The following GRIK3 variants were observed in gnomAD, a reference collection of about 807,000 sequenced individuals.
GRIK3 encodes glutamate receptor ionotropic, kainate 3.
GRIK3 carries 29 observed loss-of-function variants against 102.5 expected under a neutral mutation model. The ratio of observed to expected loss-of-function variants is 0.28; its 90% CI spans 0.21 to 0.39. GRIK3 has a LOEUF of 0.39. Ranked by LOEUF, GRIK3 falls within the 10% of genes least tolerant of loss-of-function variation. GRIK3 has a pLI of 1.00. For synonymous variants in GRIK3, 511 were observed against 504.9 expected (o/e 1.01, Z -0.16); for missense variants, 908 against 1,252.4 (o/e 0.73, Z 4.15).
At chr1:36,955,021 G>T (rs1038831090) in intron 1 of GRIK3, among the ~76,000 whole-genome samples, 1 of 152,228 alleles carries the variant, frequency 6.6e-6, no homozygotes, top group South Asian at 2.1e-4. Flanking sequence ...GCTCTACATT[G>T]GATGGTGGTG....
chr1:37,029,703 C>T (rs1280441631), intron 1 of GRIK3, among the ~76,000 whole-genome samples: 1 of 152,220 alleles, frequency 6.6e-6, no homozygotes, highest in Non-Finnish European at 1.5e-5. Flanking sequence ...CTGGGACAGG[C>T]ACAGAGTGCC....
At chr1:36,823,733 G>A (rs1190786439) in intron 11 of GRIK3, among the ~76,000 whole-genome samples, 1 of 152,048 alleles carries the variant, frequency 6.6e-6, no homozygotes, top group Non-Finnish European at 1.5e-5. Flanking sequence ...GCCCTGGCAG[G>A]TACTTGCGTT....
intron 5 of GRIK3, among the ~76,000 whole-genome samples, chr1:36,868,675 A>G (rs1185753482): frequency 6.6e-6 from 1 of 152,232 alleles, no homozygotes; most frequent in African/African-American, 2.4e-5. Context: ...CCTGCATACC[A>G]TGAAGAGCTA....
chr1:36,796,483 C>T lies in GRIK3; in HGVS notation c.*5368G>A, dbSNP rs2124166966. The stretch of plus-strand genomic sequence containing the variant: ...TGAGGCAAGGCAAACCCTTGGCTGG[C>T]ATTTGACTGAATCTATGGCTGCTTC... On this transcript the variant is annotated 3_prime_UTR_variant, in exon 16 of 16. Coordinates refer to ENST00000373091, the MANE Select transcript of GRIK3 (RefSeq NM_000831.4). The T allele has an allele frequency of 6.6e-6, 1 of 152,384 alleles. No individual in the cohort carries two copies. The highest frequency in any genetic ancestry group is 2.4e-5 in the African/African-American group (1 of 41,578). The allele number at this position is 152,384 out of a possible 1,614,324, so 9.4% of individuals were successfully genotyped here. A position where few individuals can be genotyped will look rare whatever the true frequency, so the allele number is the denominator to read the frequency against.
intron 1 of GRIK3, among the ~76,000 whole-genome samples, chr1:36,947,893 G>C (rs760606691): frequency 4.6e-5 from 7 of 151,926 alleles, no homozygotes; most frequent in Non-Finnish European, 1.0e-4. Flanking sequence ...GCAGTGATCA[G>C]CGATGGTTCA....
chr1:36,957,955 T>C (rs1641943333), intron 1 of GRIK3, among the ~76,000 whole-genome samples: 1 of 74,132 alleles, frequency 1.3e-5, no homozygotes, highest in Non-Finnish European at 2.6e-5. Flanking sequence ...GTCCCATGAC[T>C]CTGTGCCCCG....
intron 1 of GRIK3, among the ~76,000 whole-genome samples, chr1:36,919,821 C>A (rs1228794323): frequency 6.6e-6 from 1 of 152,218 alleles, no homozygotes; most frequent in African/African-American, 2.4e-5. Context: ...GTGCCCATGG[C>A]CCCTGGGCCC....
chr1:36,835,522 T>C (rs1159791956), intron 10 of GRIK3, among the ~76,000 whole-genome samples: 1 of 152,214 alleles, frequency 6.6e-6, no homozygotes, highest in Non-Finnish European at 1.5e-5. Flanking sequence ...GTTGCCTTCC[T>C]CCTTCCTTCT....
intron 10 of GRIK3, 66 bp from the exon 11 acceptor site, chr1:36,825,892 A>G (rs1310807282): frequency 3.5e-5 from 41 of 1,155,070 alleles, no homozygotes; most frequent in Non-Finnish European, 5.0e-5. Context: ...GAGACAGAAC[A>G]CCATTGCTGG....
intron 1 of GRIK3, among the ~76,000 whole-genome samples, chr1:36,964,800 G>A (rs1422151918): frequency 6.6e-6 from 1 of 152,130 alleles, no homozygotes; most frequent in Non-Finnish European, 1.5e-5. Context: ...AACCTCAAGT[G>A]CCACATTGAA....
intron 1 of GRIK3, among the ~76,000 whole-genome samples, chr1:36,957,913 C>T (rs1366071603): frequency 1.2e-5 from 1 of 81,570 alleles, no homozygotes; most frequent in Non-Finnish European, 2.3e-5. Context: ...GAGTCTGTGC[C>T]CCGTGAGCCT....
At chr1:36,827,145 G>A (rs1260846482) in intron 10 of GRIK3, among the ~76,000 whole-genome samples, 1 of 152,212 alleles carries the variant, frequency 6.6e-6, no homozygotes, top group Non-Finnish European at 1.5e-5. Flanking sequence ...TTGAATGGCA[G>A]TCTGTGCTCC....
Position 37,034,512 on chromosome 1 carries a change from G to T in GRIK3, c.-404C>A, listed in dbSNP as rs1246685318. 6.6e-6 allele frequency among the ~76,000 whole-genome samples: 1 copy of T among 151,722 alleles called. No homozygotes were observed. Among genetic ancestry groups the T allele is most frequent in the African/African-American group, 2.4e-5 (1 of 41,338 alleles). On this transcript the variant is annotated 5_prime_UTR_variant, in exon 1 of 16. Transcript: ENST00000373091. Reference sequence around the variant, plus strand: ...GCCGCCGATGCTATCGCCCGGGCTCGCACAAAGCCCCGGAGTGGAGTTGCA... The same window carrying T: ...GCCGCCGATGCTATCGCCCGGGCTCTCACAAAGCCCCGGAGTGGAGTTGCA...
chr1:36,935,109 G>A (rs1003441837), intron 1 of GRIK3, among the ~76,000 whole-genome samples: 4 of 152,170 alleles, frequency 2.6e-5, no homozygotes, highest in African/African-American at 9.7e-5. Context: ...AGGTATACTT[G>A]TTCAGCAACT....
chr1:36,948,421 A>G (rs1443224907), intron 1 of GRIK3, among the ~76,000 whole-genome samples: 1 of 152,060 alleles, frequency 6.6e-6, no homozygotes, highest in Admixed American at 6.5e-5. Flanking sequence ...TCTTGTTTGG[A>G]TGAGCTTCTA....
In GRIK3 at chr1:36,809,332, T is replaced by C. The variant is rs559472229; in HGVS notation, c.2092-3006A>G. Among the ~76,000 whole-genome samples the C allele has an allele frequency of 2.1e-3, 317 of 152,146 alleles. 2 individuals are homozygous for C. The highest frequency in any genetic ancestry group is 7.4e-3 in the African/African-American group (308 of 41,512). ...ACTATCCACCTATCTATTACTTATC[T>C]ATCCATCCATTTATCCATCTATCCA... On this transcript the variant is annotated intron_variant, in intron 13 of 15. Transcript: ENST00000373091.
chr1:36,918,762 T>G (rs1209216944), intron 1 of GRIK3, among the ~76,000 whole-genome samples: 1 of 152,242 alleles, frequency 6.6e-6, no homozygotes, highest in Non-Finnish European at 1.5e-5. Context: ...TCAAGAGATG[T>G]GCTGCCTAGT....
intron 1 of GRIK3, among the ~76,000 whole-genome samples, chr1:36,945,922 G>A (rs1158940166): frequency 6.6e-6 from 1 of 152,132 alleles, no homozygotes; most frequent in Admixed American, 6.5e-5. Flanking sequence ...CTCCAAGGGG[G>A]ACCTACGTTC....
chr1:36,803,718 C>T (rs922226260), intron 15 of GRIK3, among the ~76,000 whole-genome samples: 7 of 152,170 alleles, frequency 4.6e-5, no homozygotes, highest in Admixed American at 6.5e-5. Flanking sequence ...CGTGAGCCAC[C>T]GCACCTGGCT....
Sources: allele counts gnomAD v4.1 joint callset (sites outside exome capture counted in the v4.1 genomes callset), GRCh38; gene constraint gnomAD v4.1.1; transcripts MANE v1.5; gene names NCBI Gene and HGNC (gene_info 2026-07-23, HGNC 2026-07-21).